SCAF4: variants seen among roughly 807,000 people sequenced by gnomAD.
SCAF4 encodes the protein SR-related CTD associated factor 4, also known as SR-related and CTD-associated factor 4.
In SCAF4, 25 loss-of-function variants were observed where a neutral mutation model predicts 129.8. The ratio of observed to expected loss-of-function variants is 0.19; its 90% CI spans 0.14 to 0.27. The LOEUF (loss-of-function observed/expected upper bound fraction) is 0.27. Ranked by LOEUF, SCAF4 falls within the 10% of genes least tolerant of loss-of-function variation. The pLI, the probability that SCAF4 is intolerant of heterozygous loss-of-function variation, is 1.00. For synonymous variants in SCAF4, 551 were observed against 497.7 expected, an observed-to-expected ratio of 1.11 and a Z score of -1.43; for missense variants, 1,246 against 1,457.1, an observed-to-expected ratio of 0.86 and a Z score of 2.36.
intron 19 of SCAF4, among the ~76,000 whole-genome samples, chr21:31,681,053 A>G (rs1248699325): frequency 6.6e-6 from 1 of 152,224 alleles, no homozygotes; most frequent in Non-Finnish European, 1.5e-5. Flanking sequence ...AGCGCAGCAC[A>G]CCACTGCCTA....
At chr21:31,712,263 G>C (rs948207373) in intron 1 of SCAF4, among the ~76,000 whole-genome samples, 2 of 135,086 alleles carry the variant, frequency 1.5e-5, no homozygotes, top group African/African-American at 5.7e-5. Flanking sequence ...TGTCTCCCAT[G>C]CTGGAGTGCA....
At chr21:31,717,208 C>T (rs902814302) in intron 1 of SCAF4, among the ~76,000 whole-genome samples, 2 of 152,072 alleles carry the variant, frequency 1.3e-5, no homozygotes, top group Non-Finnish European at 1.5e-5. Flanking sequence ...AATGTCCATA[C>T]CTTTTGAACC....
rs1483342657 is a variant in SCAF4 at position 31,688,360 on chromosome 21, C to A, written c.1990G>T (p.Val664Leu). 22 of 1,613,254 alleles carry A rather than the reference C, an allele frequency of 1.4e-5. No homozygotes were observed. The highest frequency in any genetic ancestry group is 1.6e-5 in the Non-Finnish European group (19 of 1,179,472). ...GGAACAGGAATAGGAGGGACAGGCACAGGTAATGGTTTAGGTATGGGTGAT... is the reference window on the plus strand; with the variant it reads ...GGAACAGGAATAGGAGGGACAGGCAAAGGTAATGGTTTAGGTATGGGTGAT... The part of the protein sequence containing the change: ...PVSPIPKPLP[V>L]PVPPIPVPAP... The change falls in exon 16 of 20, where the codon GTG becomes TTG. Residue 664 changes from valine (V) to leucine (L), a missense_variant. By Grantham distance (32) the Val-to-Leu change is conservative. Transcript: ENST00000286835.
intron 6 of SCAF4, 96 bp downstream of exon 6, chr21:31,701,680 C>G (rs2050535722): frequency 7.7e-7 from 1 of 1,304,122 alleles, no homozygotes. Context: ...GACGTATTTT[C>G]TCCTTTCAAT....
chr21:31,694,810 T>C lies in SCAF4; in HGVS notation c.1236+3A>G, dbSNP rs1171796728. On this transcript the variant is annotated splice_donor_region_variant and intron_variant, in intron 10 of 19. Transcript: ENST00000286835. ...ATAAAACTATCTGAGAATAAAGTTT[T>C]ACCTGCTGATGCGGCTTCTGTGTAA... 22 of 1,613,860 alleles carry C rather than the reference T, an allele frequency of 1.4e-5. No homozygotes were observed. Among genetic ancestry groups the C allele is most frequent in the Middle Eastern group, 1.6e-4 (1 of 6,084 alleles).
Position 31,685,215 on chromosome 21 carries a change from G to C in SCAF4, c.2322C>G (p.Asp774Glu). 4 of 1,609,108 alleles carry C rather than the reference G, an allele frequency of 2.5e-6. No individual in the cohort carries two copies. The highest frequency in any genetic ancestry group is 3.4e-6 in the Non-Finnish European group (4 of 1,176,448). Residue 774 changes from aspartate to glutamate, a missense_variant, in exon 19 of 20, where the codon GAC becomes GAG. By Grantham distance (45) the Asp-to-Glu change is conservative. Around this residue, in one of 6 missense-constraint regions of SCAF4, gnomAD observed 468 missense variants for 605.5 expected, o/e 0.77. Coordinates refer to ENST00000286835, the MANE Select transcript of SCAF4 (RefSeq NM_020706.2). ...PNSTIAGINE[D>E]TTKDLSIGNP... ...TTCCAATAGATAAGTCTTTTGTAGT[G>C]TCTTCATTTATACCAGCGATAGTAG...
chr21:31,675,654 G>A (rs2049835071), intron 19 of SCAF4, among the ~76,000 whole-genome samples: 1 of 152,184 alleles, frequency 6.6e-6, no homozygotes, highest in Non-Finnish European at 1.5e-5. Flanking sequence ...CGAGGCATTA[G>A]GGCAGACCAA....
intron 19 of SCAF4, 41 bp downstream of exon 19, chr21:31,685,008 G>A (rs758658392): frequency 2.6e-6 from 2 of 774,612 alleles, no homozygotes; most frequent in Middle Eastern, 4.0e-4. Flanking sequence ...GTGGGGGGGG[G>A]GTGGGGCAAG....
chr21:31,731,224 C>A (rs953606026), intron 1 of SCAF4, among the ~76,000 whole-genome samples: 2 of 152,140 alleles, frequency 1.3e-5, no homozygotes, highest in African/African-American at 2.4e-5. Flanking sequence ...GCCCCACGAC[C>A]GGCAGATGCT....
At chr21:31,712,521 T>C (rs868519604) in intron 1 of SCAF4, among the ~76,000 whole-genome samples, 1 of 146,050 alleles carries the variant, frequency 6.8e-6, no homozygotes, top group Admixed American at 6.9e-5. Context: ...TCTGGCCTGA[T>C]TCTCCCTTTT....
chr21:31,671,312 G>C lies in SCAF4; in HGVS notation c.*87C>G, dbSNP rs1267560803. 3 of 1,470,806 alleles carry C rather than the reference G, an allele frequency of 2.0e-6. No homozygotes were observed. In the African/African-American group the frequency reaches 4.2e-5, roughly 21 times the overall value. 91.1% of individuals were successfully genotyped at this position (1,470,806 alleles called of 1,614,324 possible). On this transcript the variant is annotated 3_prime_UTR_variant, in exon 20 of 20. Coordinates refer to ENST00000286835, the MANE Select transcript of SCAF4 (RefSeq NM_020706.2). ...CCAGCTGGCGCGGGGCTGCAGTACAGCGGGAGCGGATATAATACAGCATCT... is the reference window on the plus strand; with the variant it reads ...CCAGCTGGCGCGGGGCTGCAGTACACCGGGAGCGGATATAATACAGCATCT...
Position 31,671,820 on chromosome 21 carries a change from C to G in SCAF4, c.3023G>C (p.Arg1008Thr). ...ATACCGTTCCCGGTCATTTTCCACC[C>G]TATTTCCAAAAGATCTTCTTCCAAA... ...ERFGRRSFGNRVENDRERYGN... is the reference protein window; with the variant it reads ...ERFGRRSFGNTVENDRERYGN... The change falls in exon 20 of 20, where the codon AGG becomes ACG. Residue 1008 changes from arginine (R) to threonine (T), a missense_variant. Physicochemically the swap from Arg to Thr is moderately conservative, Grantham distance 71. Around this residue, in one of 6 missense-constraint regions of SCAF4, gnomAD observed 339 missense variants for 325.0 expected, o/e 1.04. Coordinates refer to ENST00000286835, the MANE Select transcript of SCAF4 (RefSeq NM_020706.2). 6.2e-7 allele frequency: 1 copy of G among 1,614,176 alleles called. No homozygotes were observed. The highest frequency in any genetic ancestry group is 8.5e-7 in the Non-Finnish European group (1 of 1,180,010).
Position 31,671,383 on chromosome 21 carries a change from T to A in SCAF4, c.*16A>T. On this transcript the variant is annotated 3_prime_UTR_variant, in exon 20 of 20. Coordinates refer to ENST00000286835, the MANE Select transcript of SCAF4 (RefSeq NM_020706.2). ...TCCAGGAAGTGTCACTGTCACATTT[T>A]CACAAATTCCAGTCTCTAACGAGGA... 1 of 1,608,172 alleles carries A rather than the reference T, an allele frequency of 6.2e-7. No homozygotes were observed. The highest frequency in any genetic ancestry group is 8.5e-7 in the Non-Finnish European group (1 of 1,176,908).
intron 16 of SCAF4, 31 bp downstream of exon 16, chr21:31,688,276 T>TA (rs769133001): frequency 1.2e-5 from 19 of 1,597,154 alleles, no homozygotes; most frequent in African/African-American, 2.7e-5. Flanking sequence ...TTCAGGCACT[T>TA]AAAGTTTAAG....
chr21:31,703,734 A>ATAC (rs1331175867), intron 4 of SCAF4, 31 bp downstream of exon 4: 1 of 1,181,292 alleles, frequency 8.5e-7, no homozygotes, highest in South Asian at 1.6e-5. Context: ...TTTTTAAAGA[A>ATAC]TACAAGTTTT....
In SCAF4 at chr21:31,671,534, T is replaced by A. The variant is rs1251478843; in HGVS notation, c.3309A>T (p.Val1103=). 6.2e-7 allele frequency: 1 copy of A among 1,614,202 alleles called. No individual in the cohort carries two copies. Among genetic ancestry groups the A allele is most frequent in the Admixed American group, 1.7e-5 (1 of 60,034 alleles). ...CCTTCTCAAGTTCTGAAGCAGTGTC[T>A]ACATTTCCCACTTGGCTAATGGGAG... is the stretch of plus-strand genomic sequence containing the variant. ...VEPPISQVGN[V]DTASELEKGV... Residue 1103 remains valine, a synonymous_variant, in exon 20 of 20, where the codon GTA becomes GTT. Transcript: ENST00000286835.
rs1252494095 is a variant in SCAF4, at chr21:31,732,030, G to A, written c.-338C>T. 1.4e-5 allele frequency: 6 copies of A among 436,548 alleles called. No individual in the cohort carries two copies. In the East Asian group the frequency reaches 2.1e-4, roughly 16 times the overall value. The allele number at this position is 436,548 out of a possible 1,614,324, so 27.0% of individuals were successfully genotyped here. ...GCGCCCTCACGCACTGGCTCACACT[G>A]GCCCGGCCGGCGAGCGGGCGGGCCT... On this transcript the variant is annotated 5_prime_UTR_variant, in exon 1 of 20. Coordinates refer to ENST00000286835, the MANE Select transcript of SCAF4 (RefSeq NM_020706.2).
At position 31,694,122 on chromosome 21, in the gene SCAF4, A is replaced by C; in HGVS notation, c.1322+82T>G. ...CTGTTATTTTACTAACATTCTGAAT[A>C]TCTGAAAATAACCCAATCTAATTTT... On this transcript the variant is annotated intron_variant, in intron 11 of 19. Coordinates refer to ENST00000286835, the MANE Select transcript of SCAF4 (RefSeq NM_020706.2). 6.8e-6 allele frequency: 5 copies of C among 740,206 alleles called. No homozygotes were observed. In the South Asian group the frequency reaches 8.7e-5, roughly 13 times the overall value. The allele number at this position is 740,206 out of a possible 1,614,324, so 45.9% of individuals were successfully genotyped here.
chr21:31,716,961 A>C (rs1301619434), intron 1 of SCAF4, among the ~76,000 whole-genome samples: 1 of 152,186 alleles, frequency 6.6e-6, no homozygotes, highest in Non-Finnish European at 1.5e-5. Context: ...AATGTACAGA[A>C]GCAATTCATT....
Sources: gnomAD v4.1 joint callset for allele counts (sites outside exome capture counted in the v4.1 genomes callset) on GRCh38, gnomAD v4.1.1 for gene constraint, gnomAD v4.1.1 regional missense constraint, MANE v1.5 for transcripts, NCBI Gene and HGNC (gene_info 2026-07-23, HGNC 2026-07-21) for gene names.